Variants in GDA observed in about 807,000 individuals in gnomAD.
The protein encoded by GDA is guanine deaminase, also known as cytoplasmic PSD-95 interactor.
GDA carries 18 observed loss-of-function variants against 59.6 expected under a neutral mutation model. The observed-to-expected ratio is 0.30, with a 90% CI of 0.21 to 0.45. The LOEUF is 0.45. GDA is among the 20% of genes least tolerant of loss of function. GDA has a pLI of 1.00. For missense variants in GDA, 427 were observed against 552.3 expected (o/e 0.77, Z 2.27); for synonymous variants, 201 against 201.1 (o/e 1.00, Z 0.00).
chr9:72,228,708 T>TCA (rs1837912383), intron 9 of GDA: 2 of 152,156 alleles, frequency 1.3e-5, no homozygotes, highest in Admixed American at 1.3e-4. Context: ...ACCAACATGG[T>TCA]GAAACCCCAT....
At chr9:72,183,905 A>G (rs1369555282) in intron 1 of GDA, among the ~76,000 whole-genome samples, 3 of 152,208 alleles carry the variant, frequency 2.0e-5, no homozygotes, top group African/African-American at 7.2e-5. Context: ...AGATCAGAAG[A>G]GTTATTAAAG....
intron 1 of GDA, among the ~76,000 whole-genome samples, chr9:72,191,590 G>A (rs1283194183): frequency 6.6e-6 from 1 of 151,582 alleles, no homozygotes; most frequent in East Asian, 1.9e-4. Flanking sequence ...TCCTGCCTCA[G>A]CCTCTGGAGT....
At chr9:72,147,615 T>C (rs1826705201), upstream of GDA, among the ~76,000 whole-genome samples, 1 of 102,336 alleles carries the variant, frequency 9.8e-6, no homozygotes, top group South Asian at 4.2e-4. Flanking sequence ...AACTAGTCTC[T>C]ATTTTTTTTT....
At chr9:72,115,228 C>CA (rs1336648382) in intron 1 of GDA, among the ~76,000 whole-genome samples, 1 of 152,174 alleles carries the variant, frequency 6.6e-6, no homozygotes, top group Non-Finnish European at 1.5e-5. Flanking sequence ...AAGCCATTCT[C>CA]AAAAAACCAT....
intron 1 of GDA, among the ~76,000 whole-genome samples, chr9:72,157,876 C>T (rs188229089): frequency 6.6e-5 from 10 of 152,308 alleles, no homozygotes; most frequent in African/African-American, 2.2e-4. Context: ...GACTGATTTA[C>T]ACCATATTGT....
At chr9:72,155,927 G>C (rs1827833061) in intron 1 of GDA, among the ~76,000 whole-genome samples, 1 of 152,118 alleles carries the variant, frequency 6.6e-6, no homozygotes, top group African/African-American at 2.4e-5. Context: ...TACCTAATAG[G>C]GTTGTTGAAA....
chr9:72,224,213 T>C (rs2131589747), intron 7 of GDA, among the ~76,000 whole-genome samples: 1 of 152,320 alleles, frequency 6.6e-6, no homozygotes, highest in African/African-American at 2.4e-5. Flanking sequence ...AAATCAAGTT[T>C]ATCCTTGCTA....
intron 5 of GDA, among the ~76,000 whole-genome samples, 182 bp from the exon 6 acceptor site, chr9:72,219,297 G>C (rs1047341109): frequency 1.3e-5 from 2 of 151,968 alleles, no homozygotes; most frequent in African/African-American, 4.8e-5. Flanking sequence ...CAGCTACTCG[G>C]GAGGCTGAGG....
downstream of GDA, among the ~76,000 whole-genome samples, chr9:72,258,676 C>G (rs1840910732): frequency 6.6e-6 from 1 of 152,232 alleles, no homozygotes; most frequent in Non-Finnish European, 1.5e-5. Flanking sequence ...GGCTCTGTCC[C>G]TGCCCACCTG....
intron 1 of GDA, among the ~76,000 whole-genome samples, chr9:72,166,142 G>A (rs1829285143): frequency 6.6e-6 from 1 of 152,142 alleles, no homozygotes; most frequent in African/African-American, 2.4e-5. Flanking sequence ...TGACAATCAA[G>A]TGGGAATGAG....
downstream of GDA, among the ~76,000 whole-genome samples, chr9:72,255,806 G>A (rs1292776061): frequency 6.6e-6 from 1 of 152,160 alleles, no homozygotes; most frequent in African/African-American, 2.4e-5. Flanking sequence ...ATTTATTAAA[G>A]CTGGGTAATA....
intron 6 of GDA, among the ~76,000 whole-genome samples, chr9:72,222,707 GT>G (rs1178774843): frequency 6.6e-6 from 1 of 151,514 alleles, no homozygotes; most frequent in Non-Finnish European, 1.5e-5. Context: ...TGTTTGGTTG[GT>G]TTTTTGTTTT....
chr9:72,139,211 T>C (rs373149775), intron 1 of GDA, among the ~76,000 whole-genome samples: 2 of 152,230 alleles, frequency 1.3e-5, no homozygotes, highest in East Asian at 3.9e-4. Flanking sequence ...GTTGGTCAAA[T>C]GCAGCTTTAC....
chr9:72,116,244 A>T lies in GDA; in HGVS notation c.-100+1411A>T, dbSNP rs565690550. Among the ~76,000 whole-genome samples the T allele has an allele frequency of 7.2e-5, 11 of 151,864 alleles. No individual in the cohort carries two copies. The South Asian group carries it at 1.9e-3, about 26-fold the overall frequency. ...AATGAAACTGTCTCAAAAAAAAAAA[A>T]TTTATGAAATATGTTCCTTATTTTG... On this transcript the variant is annotated intron_variant, in intron 1 of 13. Transcript: ENST00000545168.
chr9:72,239,397 G>T (rs989522383), intron 10 of GDA, among the ~76,000 whole-genome samples: 1 of 152,030 alleles, frequency 6.6e-6, no homozygotes, highest in African/African-American at 2.4e-5. Context: ...GGTTAATTTT[G>T]AGTAGGTATT....
At chr9:72,236,774 C>CTTTTTTTTTTTTTTTTTTTTTTT (rs1564168629) in intron 10 of GDA, among the ~76,000 whole-genome samples, 1 of 127,594 alleles carries the variant, frequency 7.8e-6, no homozygotes. Context: ...AAAACCACTC[C>CTTTTTTTTTTTTTTTTTTTTTTT]TATTTTTTTT....
chr9:72,192,966 C>G (rs1832735560), intron 1 of GDA, among the ~76,000 whole-genome samples: 1 of 152,092 alleles, frequency 6.6e-6, no homozygotes, highest in African/African-American at 2.4e-5. Flanking sequence ...AGGATTTTTC[C>G]TTGATTCTTT....
intron 1 of GDA, among the ~76,000 whole-genome samples, chr9:72,140,998 C>T (rs1208202954): frequency 6.6e-6 from 1 of 152,150 alleles, no homozygotes. Flanking sequence ...AAATCCCAAT[C>T]ACATGTTTTT....
intron 1 of GDA, among the ~76,000 whole-genome samples, chr9:72,134,132 G>T (rs1826136974): frequency 6.6e-6 from 1 of 152,158 alleles, no homozygotes; most frequent in Admixed American, 6.5e-5. Context: ...AGGGATGAAC[G>T]CCAGTTTTGG....
Sources: allele counts gnomAD v4.1 joint callset (sites outside exome capture counted in the v4.1 genomes callset), GRCh38; gene constraint gnomAD v4.1.1; transcripts MANE v1.5; gene names NCBI Gene and HGNC (gene_info 2026-07-23, HGNC 2026-07-21).